The following EMC1 variants were observed in gnomAD, a reference collection of about 807,000 sequenced individuals.
The protein encoded by EMC1 is ER membrane protein complex subunit 1, also known as KIAA0090.
In EMC1, 103 loss-of-function variants were observed where a neutral mutation model predicts 128.8. The observed-to-expected ratio is 0.80, with a 90% CI of 0.68 to 0.94. The LOEUF is 0.94. Among genes scored for constraint, EMC1 ranks in the 40% least tolerant of loss-of-function variants. The pLI is 0.00. For missense variants in EMC1, 1,083 were observed against 1,250.6 expected (o/e 0.87, Z 2.02); for synonymous variants, 442 against 490.4 (o/e 0.90, Z 1.30).
At position 19,241,075 on chromosome 1, in the gene EMC1, G is replaced by C. The variant is rs571872104; in HGVS notation, c.577C>G (p.Pro193Ala). 1.7e-5 allele frequency: 27 copies of C among 1,614,058 alleles called. No individual in the cohort carries two copies. In the Admixed American group the frequency reaches 3.3e-4, roughly 20 times the overall value. Residue 193 changes from proline to alanine, a missense_variant, in exon 6 of 23, where the codon CCC (proline) becomes GCC (alanine). Pro to Ala is a conservative substitution (Grantham distance 27). This residue lies in a region of EMC1 where 544 missense variants were observed against 572.4 expected (regional missense o/e 0.95). Transcript: ENST00000477853. ...TTGACAATGTTCACATGGCTGAAGG[G>C]AACAACTCCGAGGGCCCACACCACC... is the stretch of plus-strand genomic sequence containing the variant. ...SGVVWALGVV[P>A]FSHVNIVKFN...
intron 17 of EMC1, 36 bp downstream of exon 17, chr1:19,230,808 A>T (rs1367065323): frequency 6.2e-7 from 1 of 1,611,790 alleles, no homozygotes; most frequent in African/African-American, 1.3e-5. Context: ...CCTGCATCTC[A>T]TCCACAAAGG....
At position 19,232,825 on chromosome 1, in the gene EMC1, C is replaced by T. The variant is rs770144538; in HGVS notation, c.1633-52G>A. On this transcript the variant is annotated intron_variant, in intron 14 of 22. Coordinates refer to ENST00000477853, the MANE Select transcript of EMC1 (RefSeq NM_015047.3). ...ACTACTAGAAAGAGAAACCAAAGAA[C>T]TGAGTCTGTCCTTGAAAACTAGAAC... is the stretch of plus-strand genomic sequence containing the variant. 3 of 1,611,708 alleles carry T rather than the reference C, an allele frequency of 1.9e-6. No homozygotes were observed. In the South Asian group the frequency reaches 3.3e-5, roughly 18 times the overall value.
chr1:19,225,102 T>C (rs2093462115), intron 18 of EMC1, among the ~76,000 whole-genome samples: 1 of 152,242 alleles, frequency 6.6e-6, no homozygotes, highest in Non-Finnish European at 1.5e-5. Flanking sequence ...ATTTATTTTC[T>C]TTATTATTAG....
At chr1:19,243,267 A>G (rs183988031) in intron 4 of EMC1, among the ~76,000 whole-genome samples, 3 of 152,300 alleles carry the variant, frequency 2.0e-5, no homozygotes, top group Admixed American at 6.5e-5. Flanking sequence ...AAACAACTTT[A>G]GCAAAGATGT....
chr1:19,220,665 G>C (rs2093424691), intron 21 of EMC1, 99 bp downstream of exon 21: 1 of 940,790 alleles, frequency 1.1e-6, no homozygotes, highest in South Asian at 1.7e-5. Flanking sequence ...CCAGCCCCTA[G>C]CACAGCATGA....
chr1:19,232,559 T>C, intron 15 of EMC1, 65 bp downstream of exon 15: 1 of 1,590,060 alleles, frequency 6.3e-7, no homozygotes, highest in Admixed American at 1.7e-5. Context: ...CTAGGAGCAA[T>C]TTAAGTTACA....
intron 1 of EMC1, among the ~76,000 whole-genome samples, chr1:19,246,282 C>T (rs149588388): frequency 2.0e-5 from 3 of 151,206 alleles, no homozygotes; most frequent in African/African-American, 4.9e-5. Context: ...CCCAACTACT[C>T]GGGAGGCTGA....
At chr1:19,223,602 A>G in intron 18 of EMC1, 33 bp from the exon 19 acceptor site, 1 of 1,603,658 alleles carries the variant, frequency 6.2e-7, no homozygotes. Context: ...CCTTAGAACC[A>G]CGACGACTCA....
chr1:19,237,317 C>T (rs1186401416), intron 11 of EMC1, 79 bp from the exon 12 acceptor site: 1 of 983,714 alleles, frequency 1.0e-6, no homozygotes, highest in Non-Finnish European at 1.6e-6. Context: ...GGAGTCAAAG[C>T]CTGGACTTAA....
At position 19,233,031 on chromosome 1, in the gene EMC1, G is replaced by T. The variant is rs969642659; in HGVS notation, c.1537C>A (p.Arg513=). The part of the protein sequence containing the change: ...WKMFYDARKP[R]SQIKNEINID... ...TTGATCTCATTCTTAATCTGACTCCGGGGCTTCCGAGCATCATAAAACATT... is the reference window on the plus strand; with the variant it reads ...TTGATCTCATTCTTAATCTGACTCCTGGGCTTCCGAGCATCATAAAACATT... Residue 513 remains arginine, a synonymous_variant, in exon 14 of 23, where the codon CGG becomes AGG. Transcript: ENST00000477853. The T allele has an allele frequency of 6.2e-7, 1 of 1,614,070 alleles. No individual in the cohort carries two copies. Among genetic ancestry groups the T allele is most frequent in the East Asian group, 2.2e-5 (1 of 44,876 alleles).
At position 19,219,559 on chromosome 1, in the gene EMC1, C is replaced by G. The variant is rs1330865114; in HGVS notation, c.2802+10G>C. The G allele has an allele frequency of 6.2e-7, 1 of 1,614,076 alleles. No individual in the cohort carries two copies. The highest frequency in any genetic ancestry group is 1.1e-5 in the South Asian group (1 of 91,082). ...AAGGGTGAAATAGGGCAGCTGTGGGCTCTACTCACCAAACAAGTGGACTCC... is the reference window on the plus strand; with the variant it reads ...AAGGGTGAAATAGGGCAGCTGTGGGGTCTACTCACCAAACAAGTGGACTCC... On this transcript the variant is annotated intron_variant, in intron 22 of 22. Transcript: ENST00000477853.
chr1:19,224,750 C>T (rs539402221), intron 18 of EMC1, among the ~76,000 whole-genome samples: 30 of 152,220 alleles, frequency 2.0e-4, no homozygotes, highest in Non-Finnish European at 3.7e-4. Context: ...GGCTCTTCAC[C>T]GTGCTCCAAA....
At chr1:19,235,319 G>C in intron 12 of EMC1, 67 bp from the exon 13 acceptor site, 1 of 1,534,494 alleles carries the variant, frequency 6.5e-7, no homozygotes, top group Non-Finnish European at 8.8e-7. Flanking sequence ...TGTAATCCCA[G>C]CACTTTGGGA....
At chr1:19,250,724 G>C (rs2093655058) in intron 1 of EMC1, among the ~76,000 whole-genome samples, 2 of 152,198 alleles carry the variant, frequency 1.3e-5, no homozygotes, top group Non-Finnish European at 1.5e-5. Flanking sequence ...TACTGTAAGA[G>C]ATAACGGACT....
At chr1:19,236,659 CAAA>C (rs34407393) in intron 12 of EMC1, among the ~76,000 whole-genome samples, 3,003 of 100,684 alleles carry the variant, frequency 0.03, 123 homozygotes, top group African/African-American at 0.099. Context: ...AACTCCGTCT[CAAA>C]AAAAAAAAAA....
At chr1:19,239,207 C>T (rs1399552414) in intron 9 of EMC1, 24 bp downstream of exon 9, 12 of 1,602,460 alleles carry the variant, frequency 7.5e-6, no homozygotes, top group Non-Finnish European at 8.5e-6. Flanking sequence ...ATCCCAAGTG[C>T]TGACTGTTGT....
At chr1:19,220,954 A>AT (rs1174853917) in intron 20 of EMC1, 106 bp from the exon 21 acceptor site, 2 of 756,852 alleles carry the variant, frequency 2.6e-6, no homozygotes, top group Middle Eastern at 2.4e-4. Flanking sequence ...AAACAAAAAA[A>AT]TGGGTCAATG....
At chr1:19,232,009 C>A (rs1380596604) in intron 15 of EMC1, among the ~76,000 whole-genome samples, 1 of 152,166 alleles carries the variant, frequency 6.6e-6, no homozygotes, top group Non-Finnish European at 1.5e-5. Flanking sequence ...CACCTGTAAT[C>A]CCAGTACTTT....
In EMC1 at chr1:19,222,720, G is replaced by A. The variant is rs1215085632; in HGVS notation, c.2491C>T (p.Pro831Ser). ...ATATAGGACTGCTGGAGGACCTGGG[G>A]CAGCTGGGGGCGGTCCAGGGAGCTG... ...AFSSLDRPQL[P>S]QVLQQSYIFP... The change falls in exon 20 of 23, where the codon CCC (proline) becomes TCC (serine). Residue 831 changes from proline (P) to serine (S), a missense_variant. Physicochemically the swap from Pro to Ser is moderately conservative, Grantham distance 74 (BLOSUM62 -1). Transcript: ENST00000477853. 1.2e-6 allele frequency: 2 copies of A among 1,614,180 alleles called. No homozygotes were observed. The highest frequency in any genetic ancestry group is 1.7e-5 in the Admixed American group (1 of 60,034).
Sources: allele counts gnomAD v4.1 joint callset (sites outside exome capture counted in the v4.1 genomes callset), GRCh38; gene constraint gnomAD v4.1.1; regional missense constraint gnomAD v4.1.1; transcripts MANE v1.5; gene names NCBI Gene and HGNC (gene_info 2026-07-23, HGNC 2026-07-21).